The following DKK4 variants were observed in gnomAD, a reference collection of about 807,000 sequenced individuals.
DKK4 encodes dickkopf-related protein 4.
Under a neutral mutation model 14.5 loss-of-function variants are expected in DKK4, and 15 were observed. The observed-to-expected ratio is 1.03, with a 90% CI of 0.69 to 1.59. DKK4 has a LOEUF of 1.59. DKK4 is among the 40% of genes most tolerant of loss of function. The probability of loss-of-function intolerance (pLI) is 0.00; values close to 1 mark genes in which losing one functional copy is unlikely to be tolerated. For synonymous variants in DKK4, 89 were observed against 105.2 expected (o/e 0.85, Z 0.94); for missense variants, 272 against 280.3 (o/e 0.97, Z 0.21).
At chr8:42,374,964 C>T (rs1180892545) in intron 2 of DKK4, 51 bp from the exon 3 acceptor site, 3 of 1,583,782 alleles carry the variant, frequency 1.9e-6, no homozygotes, top group Non-Finnish European at 2.6e-6. Context: ...GGGGGAGAAC[C>T]ACAGACACAC....
upstream of DKK4, chr8:42,377,257 T>TATA: frequency 1.8e-6 from 1 of 546,590 alleles, no homozygotes; most frequent in South Asian, 2.5e-5. Flanking sequence ...TGAAACTATT[T>TATA]ATAACCAGAT....
chr8:42,391,087 A>G, the DKK4 span, among the ~76,000 whole-genome samples: 1 of 152,080 alleles, frequency 6.6e-6, no homozygotes, highest in Non-Finnish European at 1.5e-5. Context: ...TTTCTCCTCC[A>G]CATCCTCTGC....
At chr8:42,383,612 C>G in the DKK4 span, among the ~76,000 whole-genome samples, 2 of 152,248 alleles carry the variant, frequency 1.3e-5, no homozygotes, top group African/African-American at 4.8e-5. Context: ...GACCCTCCTT[C>G]CTCAAAGATA....
intron 2 of DKK4, 137 bp from the exon 3 acceptor site, chr8:42,375,050 A>G: frequency 3.6e-6 from 3 of 840,508 alleles, no homozygotes; most frequent in Middle Eastern, 2.5e-4. Context: ...TTTCTGGAAC[A>G]TGTGCTAAAT....
the DKK4 span, among the ~76,000 whole-genome samples, chr8:42,387,717 C>T: frequency 6.6e-6 from 1 of 152,110 alleles, no homozygotes; most frequent in Non-Finnish European, 1.5e-5. Flanking sequence ...GCTAACTGGA[C>T]AGGACTAGAG....
the DKK4 span, among the ~76,000 whole-genome samples, chr8:42,391,259 C>A: frequency 2.0e-5 from 3 of 150,708 alleles, no homozygotes; most frequent in African/African-American, 7.4e-5. Flanking sequence ...TGGGCGTGGG[C>A]TCAGGCCTGT....
the DKK4 span, among the ~76,000 whole-genome samples, chr8:42,388,115 C>T: frequency 6.6e-6 from 1 of 152,172 alleles, no homozygotes; most frequent in East Asian, 1.9e-4. Flanking sequence ...GCTCAGCCTA[C>T]ACTTGTACTC....
chr8:42,388,715 C>T, the DKK4 span, among the ~76,000 whole-genome samples: 11 of 151,526 alleles, frequency 7.3e-5, no homozygotes, highest in South Asian at 2.1e-4. Flanking sequence ...GGACTACAGG[C>T]GCACACCACC....
the DKK4 span, among the ~76,000 whole-genome samples, chr8:42,382,398 T>G: frequency 2.0e-5 from 3 of 152,142 alleles, no homozygotes; most frequent in Non-Finnish European, 4.4e-5. Context: ...GGACTAGAGA[T>G]GATGGGGCAG....
chr8:42,379,423 A>AGAGG (rs1824631143), upstream of DKK4, among the ~76,000 whole-genome samples: 1 of 123,014 alleles, frequency 8.1e-6, no homozygotes, highest in African/African-American at 3.1e-5. Context: ...AGAGAGAGAG[A>AGAGG]GAGAAAGATT....
upstream of DKK4, among the ~76,000 whole-genome samples, chr8:42,378,318 C>G (rs975717465): frequency 5.3e-5 from 8 of 152,286 alleles, no homozygotes; most frequent in Non-Finnish European, 1.0e-4. Flanking sequence ...TGCAGAACAA[C>G]CTAACATCAA....
chr8:42,380,746 A>G (rs1051916443), upstream of DKK4, among the ~76,000 whole-genome samples: 8 of 143,092 alleles, frequency 5.6e-5, no homozygotes, highest in African/African-American at 2.1e-4. Flanking sequence ...AGAGAGTGGA[A>G]AGAGAGAGAG....
chr8:42,377,789 T>C (rs1245551146), upstream of DKK4, among the ~76,000 whole-genome samples: 1 of 152,240 alleles, frequency 6.6e-6, no homozygotes, highest in Non-Finnish European at 1.5e-5. Flanking sequence ...CTGTTCTGAC[T>C]AAATGCCATT....
chr8:42,379,909 C>T (rs963438801), upstream of DKK4, among the ~76,000 whole-genome samples: 2 of 152,190 alleles, frequency 1.3e-5, no homozygotes, highest in African/African-American at 4.8e-5. Flanking sequence ...ATATATCAGA[C>T]TGAGAATGCC....
rs547215646 is a variant in DKK4 at position 42,375,737 on chromosome 8, A to G, written c.205T>C (p.Leu69=). The G allele has an allele frequency of 6.2e-7, 1 of 1,614,006 alleles. No individual in the cohort carries two copies. The highest frequency in any genetic ancestry group is 2.2e-5 in the East Asian group (1 of 44,884). ...GCATCTCGCTGGCACCTCCTCCGCA[A>G]CCCACGACATGTAGCACAGAACGGC... The part of the protein sequence containing the change: ...EKPFCATCRG[L]RRRCQRDAMC... The change falls in exon 2 of 4, where the codon TTG becomes CTG. Residue 69 remains leucine (L), a synonymous_variant. Transcript: ENST00000220812.
At chr8:42,378,737 C>T (rs551134788), upstream of DKK4, among the ~76,000 whole-genome samples, 5 of 152,044 alleles carry the variant, frequency 3.3e-5, no homozygotes, top group East Asian at 3.9e-4. Flanking sequence ...TCCTGTAACA[C>T]GGCACAAACA....
chr8:42,379,497 A>C (rs1824633143), upstream of DKK4, among the ~76,000 whole-genome samples: 1 of 150,598 alleles, frequency 6.6e-6, no homozygotes, highest in Non-Finnish European at 1.5e-5. Flanking sequence ...AGAGAGATCC[A>C]GATAGAAGAC....
chr8:42,375,403 A>T (rs1197871723), intron 2 of DKK4, among the ~76,000 whole-genome samples: 3 of 151,938 alleles, frequency 2.0e-5, no homozygotes, highest in African/African-American at 7.3e-5. Context: ...TTAGCCGGGC[A>T]TGGTGGTACA....
upstream of DKK4, among the ~76,000 whole-genome samples, chr8:42,381,857 C>G (rs1037089537): frequency 6.6e-6 from 1 of 152,120 alleles, no homozygotes; most frequent in Non-Finnish European, 1.5e-5. Context: ...ATTAGCTGGG[C>G]ATGATGGCAC....
Sources: gnomAD v4.1 joint callset for allele counts (sites outside exome capture counted in the v4.1 genomes callset) on GRCh38, gnomAD v4.1.1 for gene constraint, MANE v1.5 for transcripts, NCBI Gene and HGNC (gene_info 2026-07-23, HGNC 2026-07-21) for gene names.